The following CHRM3 variants were observed in gnomAD, a reference collection of about 807,000 sequenced individuals.
CHRM3 encodes cholinergic receptor muscarinic 3.
CHRM3 carries 11 observed loss-of-function variants against 41.8 expected under a neutral mutation model. The ratio of observed to expected loss-of-function variants is 0.26; its 90% CI spans 0.17 to 0.44. CHRM3 has a LOEUF of 0.44. CHRM3 is among the 20% of genes least tolerant of loss of function. CHRM3 has a pLI of 1.00. For missense variants in CHRM3, 571 were observed against 745.4 expected (o/e 0.77, Z 2.72); for synonymous variants, 297 against 301.4 (o/e 0.99, Z 0.15).
chr1:239,430,955 T>G lies in CHRM3; in HGVS notation c.-521+43728T>G, dbSNP rs189109011. 1.4e-3 allele frequency among the ~76,000 whole-genome samples: 215 copies of G among 152,262 alleles called. 1 individual carries two copies. The highest frequency in any genetic ancestry group is 4.9e-3 in the African/African-American group (202 of 41,540). ...TAATATAAACACATTTTCAACATAC[T>G]GATGTACTATTTAAAATCATAATAT... On this transcript the variant is annotated intron_variant, in intron 1 of 6. Transcript: ENST00000676153.
intron 6 of CHRM3, among the ~76,000 whole-genome samples, chr1:239,882,569 G>T (rs997633225): frequency 1.3e-5 from 2 of 152,188 alleles, no homozygotes; most frequent in Admixed American, 6.5e-5. Context: ...GCAGGAAGTT[G>T]CCTAAGGTTT....
chr1:239,602,501 A>G (rs1235259364), intron 3 of CHRM3, among the ~76,000 whole-genome samples: 1 of 152,174 alleles, frequency 6.6e-6, no homozygotes, highest in Non-Finnish European at 1.5e-5. Flanking sequence ...AAAATGTAGC[A>G]TTTTAAATAA....
intron 2 of CHRM3, among the ~76,000 whole-genome samples, chr1:239,543,550 C>A (rs1246254535): frequency 2.0e-5 from 3 of 151,808 alleles, no homozygotes; most frequent in Admixed American, 6.6e-5. Flanking sequence ...CTCAGTCACC[C>A]AGGCTGGAGT....
chr1:239,881,452 G>T (rs1677629498), intron 6 of CHRM3, among the ~76,000 whole-genome samples: 1 of 151,892 alleles, frequency 6.6e-6, no homozygotes, highest in Admixed American at 6.6e-5. Context: ...ACAAAATGGC[G>T]AGTTGATTGG....
chr1:239,575,229 G>C (rs553612124), intron 3 of CHRM3, among the ~76,000 whole-genome samples: 1 of 151,962 alleles, frequency 6.6e-6, no homozygotes, highest in African/African-American at 2.4e-5. Context: ...GAACCTCTAC[G>C]TATTAGCACC....
At chr1:239,619,259 G>A (rs1668085939) in intron 3 of CHRM3, among the ~76,000 whole-genome samples, 1 of 152,004 alleles carries the variant, frequency 6.6e-6, no homozygotes, top group African/African-American at 2.4e-5. Context: ...TCACTCCTCT[G>A]AGGTAAATTA....
intron 1 of CHRM3, among the ~76,000 whole-genome samples, chr1:239,474,964 T>G (rs1175351959): frequency 6.6e-6 from 1 of 152,126 alleles, no homozygotes; most frequent in Non-Finnish European, 1.5e-5. Flanking sequence ...CTATTCTAAA[T>G]TTTGGCCACA....
intron 5 of CHRM3, among the ~76,000 whole-genome samples, chr1:239,712,852 A>T (rs941716245): frequency 2.0e-5 from 3 of 152,188 alleles, no homozygotes; most frequent in Non-Finnish European, 4.4e-5. Context: ...GGACTATTTC[A>T]TTACTCCTCT....
chr1:239,690,204 A>G (rs899518827), intron 5 of CHRM3, among the ~76,000 whole-genome samples: 1 of 152,150 alleles, frequency 6.6e-6, no homozygotes, highest in Non-Finnish European at 1.5e-5. Context: ...TTTTGGAGAT[A>G]TAATACTTGA....
At chr1:239,566,125 G>A (rs1371673764) in intron 3 of CHRM3, among the ~76,000 whole-genome samples, 1 of 151,722 alleles carries the variant, frequency 6.6e-6, no homozygotes, top group East Asian at 1.9e-4. Flanking sequence ...TACTGCCCAG[G>A]CTGGTTTCAA....
At chr1:239,595,374 G>A (rs1420161898) in intron 3 of CHRM3, among the ~76,000 whole-genome samples, 1 of 152,126 alleles carries the variant, frequency 6.6e-6, no homozygotes, top group Non-Finnish European at 1.5e-5. Flanking sequence ...GATGACTGTA[G>A]TATTATTTTG....
At position 239,431,168 on chromosome 1, in the gene CHRM3, G is replaced by A. The variant is rs545971903; in HGVS notation, c.-521+43941G>A. Reference sequence around the variant, plus strand: ...TGAAATATTTATAGGTACCTATTATGCCAGTCAAATGCTCGTGTACATTAG... The same window carrying A: ...TGAAATATTTATAGGTACCTATTATACCAGTCAAATGCTCGTGTACATTAG... On this transcript the variant is annotated intron_variant, in intron 1 of 6. Coordinates refer to ENST00000676153, the MANE Select transcript of CHRM3 (RefSeq NM_001375978.1). 6.6e-5 allele frequency among the ~76,000 whole-genome samples: 10 copies of A among 152,152 alleles called. No homozygotes were observed. The East Asian group carries it at 1.9e-3, about 29-fold the overall frequency.
intron 3 of CHRM3, among the ~76,000 whole-genome samples, chr1:239,556,982 T>A (rs535898674): frequency 4.8e-4 from 73 of 152,288 alleles, no homozygotes; most frequent in Middle Eastern, 3.4e-3. Context: ...AAAATTTTTT[T>A]AAAAATTTTA....
At chr1:239,786,238 C>G (rs1258860579) in intron 5 of CHRM3, among the ~76,000 whole-genome samples, 1 of 152,050 alleles carries the variant, frequency 6.6e-6, no homozygotes, top group Non-Finnish European at 1.5e-5. Flanking sequence ...ACAGCACTCC[C>G]CCTCTCAGCT....
Position 239,913,782 on chromosome 1 carries a change from G to A in CHRM3, c.*4558G>A, listed in dbSNP as rs1680493044. The A allele has an allele frequency of 6.0e-6, 1 of 167,126 alleles. No homozygotes were observed. The highest frequency in any genetic ancestry group is 2.4e-5 in the African/African-American group (1 of 41,474). 10.4% of individuals were successfully genotyped at this position (167,126 alleles called of 1,614,324 possible). On this transcript the variant is annotated 3_prime_UTR_variant, in exon 7 of 7. Transcript: ENST00000676153. ...GCACAGTGTTTTGTTGTACGGCTCA[G>A]AAATGAGCAAGTGTTAGTATTATTA...
chr1:239,821,074 C>A (rs1480730510), intron 5 of CHRM3, among the ~76,000 whole-genome samples: 1 of 152,076 alleles, frequency 6.6e-6, no homozygotes, highest in East Asian at 1.9e-4. Flanking sequence ...TTGTGATGCG[C>A]CATCCACAAC....
At chr1:239,730,549 A>C (rs535975046) in intron 5 of CHRM3, 1 of 152,018 alleles carries the variant, frequency 6.6e-6, no homozygotes, top group Non-Finnish European at 1.5e-5. Flanking sequence ...GTTCAAGTAC[A>C]TGTTAGGCTG....
At chr1:239,682,892 G>A (rs1006783923) in intron 5 of CHRM3, among the ~76,000 whole-genome samples, 6 of 151,840 alleles carry the variant, frequency 4.0e-5, no homozygotes, top group Admixed American at 2.0e-4. Flanking sequence ...CATATTTATG[G>A]GGGTAAAGTG....
chr1:239,821,047 G>A (rs185512939), intron 5 of CHRM3, among the ~76,000 whole-genome samples: 3 of 152,320 alleles, frequency 2.0e-5, no homozygotes, highest in African/African-American at 7.2e-5. Flanking sequence ...CATGATTTAT[G>A]TGGGTTTATT....
Sources: allele counts gnomAD v4.1 joint callset (sites outside exome capture counted in the v4.1 genomes callset), GRCh38; gene constraint gnomAD v4.1.1; transcripts MANE v1.5; gene names NCBI Gene and HGNC (gene_info 2026-07-23, HGNC 2026-07-21).